ZNF654: variants seen among roughly 807,000 people sequenced by gnomAD.
ZNF654 encodes melanoma-associated antigen.
In ZNF654, 19 loss-of-function variants were observed where a neutral mutation model predicts 95.3. The observed-to-expected ratio is 0.20, with a 90% confidence interval of 0.14 to 0.29. The LOEUF is 0.29. Among genes scored for constraint, ZNF654 ranks in the 10% least tolerant of loss-of-function variants. ZNF654 has a pLI of 1.00. For missense variants in ZNF654, 1,046 were observed against 1,341.0 expected (o/e 0.78, Z 3.44); for synonymous variants, 413 against 457.9 (o/e 0.90, Z 1.25).
chr3:88,066,891 T>C (rs1320133320), intron 1 of ZNF654, among the ~76,000 whole-genome samples: 3 of 152,334 alleles, frequency 2.0e-5, no homozygotes, highest in East Asian at 1.9e-4. Flanking sequence ...ATCTGGCCCA[T>C]TGAATGACAC....
chr3:88,139,867 A>C lies in ZNF654; in HGVS notation c.2198A>C (p.His733Pro). 6.2e-7 allele frequency: 1 copy of C among 1,606,062 alleles called. No individual in the cohort carries two copies. The highest frequency in any genetic ancestry group is 1.1e-5 in the South Asian group (1 of 89,952). Residue 733 changes from histidine to proline, a missense_variant, in exon 8 of 9, where the codon CAT (histidine) becomes CCT (proline). By Grantham distance (77) the His-to-Pro change is moderately conservative. This residue lies in a region of ZNF654 where 495 missense variants were observed against 537.0 expected (regional missense o/e 0.92). Transcript: ENST00000636215. ...CATAAAATCAATGGAACTGTGTGCC[A>C]TCCAAAAGACATATATGCCACAGAT... is the stretch of plus-strand genomic sequence containing the variant. ...VIHKINGTVC[H>P]PKDIYATDQE...
chr3:88,108,201 T>C (rs1180132991), intron 2 of ZNF654, among the ~76,000 whole-genome samples: 1 of 151,894 alleles, frequency 6.6e-6, no homozygotes, highest in Non-Finnish European at 1.5e-5. Flanking sequence ...ATTTTCAAAG[T>C]AGTTTTTTTT....
intron 1 of ZNF654, among the ~76,000 whole-genome samples, chr3:88,081,982 T>C (rs867149292): frequency 6.6e-6 from 1 of 152,174 alleles, no homozygotes; most frequent in South Asian, 2.1e-4. Flanking sequence ...TTAAAACATT[T>C]TAGGTATTTA....
At chr3:88,069,353 C>T (rs9864220) in intron 1 of ZNF654, among the ~76,000 whole-genome samples, 119,134 of 152,070 alleles carry the variant, frequency 0.78, 47,590 homozygotes, top group South Asian at 0.91. Flanking sequence ...ACTCTGGAGG[C>T]GGAGGTTGCA....
chr3:88,078,116 C>T (rs549498264), intron 1 of ZNF654, among the ~76,000 whole-genome samples: 6 of 152,216 alleles, frequency 3.9e-5, no homozygotes, highest in Non-Finnish European at 7.4e-5. Context: ...GAATATCGGA[C>T]TGATTTCTTT....
chr3:88,126,604 T>G (rs1353997225), intron 4 of ZNF654, among the ~76,000 whole-genome samples: 1 of 73,532 alleles, frequency 1.4e-5, no homozygotes, highest in Non-Finnish European at 3.1e-5. Context: ...TTTTTTTTTT[T>G]AAGAAACAAA....
intron 6 of ZNF654, among the ~76,000 whole-genome samples, chr3:88,130,381 CAATT>C (rs897773302): frequency 1.1e-4 from 16 of 152,030 alleles, no homozygotes; most frequent in Non-Finnish European, 1.3e-4. Context: ...TTTAAATTCT[CAATT>C]AAATTAATAG....
chr3:88,100,416 A>G (rs1449259157), intron 2 of ZNF654, among the ~76,000 whole-genome samples: 1 of 152,274 alleles, frequency 6.6e-6, no homozygotes. Flanking sequence ...TCAGTGTGGC[A>G]ATTCCTCAGG....
At chr3:88,103,284 G>A (rs1366985947) in intron 2 of ZNF654, among the ~76,000 whole-genome samples, 21 of 152,062 alleles carry the variant, frequency 1.4e-4, no homozygotes, top group African/African-American at 1.4e-4. Context: ...TGGAAATTTC[G>A]GCACAGAAAC....
chr3:88,060,943 G>A (rs1417236494), intron 1 of ZNF654, among the ~76,000 whole-genome samples: 1 of 152,126 alleles, frequency 6.6e-6, no homozygotes, highest in African/African-American at 2.4e-5. Context: ...GTGTCATAAA[G>A]AAGTTGGTTT....
intron 7 of ZNF654, among the ~76,000 whole-genome samples, chr3:88,137,858 C>T (rs1336497101): frequency 6.6e-6 from 1 of 152,022 alleles, no homozygotes; most frequent in Non-Finnish European, 1.5e-5. Flanking sequence ...GTATTCCTCC[C>T]TGTAATCTAT....
chr3:88,108,802 T>A (rs2107747749), intron 2 of ZNF654, among the ~76,000 whole-genome samples: 1 of 152,056 alleles, frequency 6.6e-6, no homozygotes, highest in African/African-American at 2.4e-5. Context: ...AGTGCTTCAG[T>A]TGAAAAGGTT....
chr3:88,129,347 C>T (rs1348904595), intron 5 of ZNF654, among the ~76,000 whole-genome samples: 1 of 139,276 alleles, frequency 7.2e-6, no homozygotes, highest in Non-Finnish European at 1.6e-5. Context: ...AAAAAAAAAC[C>T]CAAGAAGCAT....
At chr3:88,083,342 C>G (rs1708178632) in intron 1 of ZNF654, among the ~76,000 whole-genome samples, 1 of 152,098 alleles carries the variant, frequency 6.6e-6, no homozygotes, top group Admixed American at 6.5e-5. Flanking sequence ...TGAGTCTTTT[C>G]TCATTCTCAC....
chr3:88,109,699 G>T (rs1704974130), intron 2 of ZNF654, among the ~76,000 whole-genome samples: 1 of 151,950 alleles, frequency 6.6e-6, no homozygotes, highest in African/African-American at 2.4e-5. Context: ...ATTTTGTTTG[G>T]GAATATCCCG....
chr3:88,117,085 C>G (rs1328856279), intron 3 of ZNF654, among the ~76,000 whole-genome samples: 1 of 151,796 alleles, frequency 6.6e-6, no homozygotes, highest in East Asian at 1.9e-4. Flanking sequence ...AGGGACAACC[C>G]GAAAGAACAT....
intron 6 of ZNF654, among the ~76,000 whole-genome samples, chr3:88,132,460 A>G (rs76116603): frequency 0.013 from 2,020 of 152,320 alleles, 37 homozygotes; most frequent in African/African-American, 0.045. Flanking sequence ...TTGGTCTTCT[A>G]AAAGAAGACT....
At position 88,142,015 on chromosome 3, in the gene ZNF654, G is replaced by A. The variant is rs1707157769; in HGVS notation, c.*363G>A. On this transcript the variant is annotated 3_prime_UTR_variant, in exon 9 of 9. Coordinates refer to ENST00000636215, the MANE Select transcript of ZNF654 (RefSeq NM_001350134.2). ...AAAAATTAACCCATTATTAAAAAGT[G>A]TGTGTGGGGAGGGGGGCTGGTTTAC... The A allele has an allele frequency of 3.1e-5, 3 of 97,600 alleles. No individual in the cohort carries two copies. The highest frequency in any genetic ancestry group is 7.3e-4 in the South Asian group (1 of 1,378). The allele number at this position is 97,600 out of a possible 1,614,324, so 6.0% of individuals were successfully genotyped here. A position where few individuals can be genotyped will look rare whatever the true frequency, so the allele number is the denominator to read the frequency against.
chr3:88,118,367 G>A lies in ZNF654; in HGVS notation c.414+5171G>A, dbSNP rs1372493879. Among the ~76,000 whole-genome samples, 3 of 152,078 alleles carry A rather than the reference G, an allele frequency of 2.0e-5. No individual in the cohort carries two copies. The East Asian group carries it at 5.8e-4, about 29-fold the overall frequency. On this transcript the variant is annotated intron_variant, in intron 3 of 8. Transcript: ENST00000636215. Reference sequence around the variant, plus strand: ...CTATCTCACTGCGTAATATACCATAGGAGAAGTGGAAAAAATCATCAAAGG... The same window carrying A: ...CTATCTCACTGCGTAATATACCATAAGAGAAGTGGAAAAAATCATCAAAGG...
Sources: gnomAD v4.1 joint callset for allele counts (sites outside exome capture counted in the v4.1 genomes callset) on GRCh38, gnomAD v4.1.1 for gene constraint, gnomAD v4.1.1 regional missense constraint, MANE v1.5 for transcripts, NCBI Gene and HGNC (gene_info 2026-07-23, HGNC 2026-07-21) for gene names.